Variants in KCNU1 observed in about 807,000 individuals in gnomAD.
The protein encoded by KCNU1 is potassium calcium-activated channel subfamily U member 1.
In KCNU1, 93 loss-of-function variants were observed where a neutral mutation model predicts 126.8. The ratio of observed to expected loss-of-function variants is 0.73; its 90% CI spans 0.62 to 0.87. The LOEUF is 0.87. Ranked by LOEUF, KCNU1 falls within the 40% of genes least tolerant of loss-of-function variation. The pLI is 0.00. For synonymous variants in KCNU1, 523 were observed against 494.2 expected (o/e 1.06, Z -0.77); for missense variants, 1,330 against 1,367.1 (o/e 0.97, Z 0.43).
chr8:36,925,958 T>C (rs955581465), intron 24 of KCNU1, among the ~76,000 whole-genome samples: 1 of 152,106 alleles, frequency 6.6e-6, no homozygotes, highest in African/African-American at 2.4e-5. Context: ...AAGGCAGACA[T>C]TGCTGATGAC....
intron 10 of KCNU1, among the ~76,000 whole-genome samples, chr8:36,818,754 C>T (rs1804014309): frequency 6.6e-6 from 1 of 152,140 alleles, no homozygotes; most frequent in Non-Finnish European, 1.5e-5. Context: ...GTTGAGCACT[C>T]TACTTTTGCA....
chr8:36,931,245 C>A, intron 25 of KCNU1, 100 bp downstream of exon 25: 3 of 635,860 alleles, frequency 4.7e-6, no homozygotes, highest in African/African-American at 1.9e-5. Flanking sequence ...TCCCATAGCA[C>A]AGAAATGATA....
intron 19 of KCNU1, among the ~76,000 whole-genome samples, chr8:36,899,279 T>G (rs908794330): frequency 4.5e-5 from 6 of 133,962 alleles, no homozygotes; most frequent in African/African-American, 1.6e-4. Context: ...ACTTCTAAGC[T>G]AGAAGATAGA....
At chr8:36,785,335 G>T (rs1448293952) in intron 1 of KCNU1, among the ~76,000 whole-genome samples, 1 of 152,188 alleles carries the variant, frequency 6.6e-6, no homozygotes, top group African/African-American at 2.4e-5. Context: ...ACTATACCCT[G>T]TGTAGTTTGT....
At chr8:36,833,472 C>A in intron 10 of KCNU1, 82 bp from the exon 11 acceptor site, 2 of 759,394 alleles carry the variant, frequency 2.6e-6, no homozygotes, top group Non-Finnish European at 2.3e-6. Context: ...CTACTAAATG[C>A]ACCAAATTAG....
chr8:36,853,516 A>G lies in KCNU1; in HGVS notation c.1891+7617A>G, dbSNP rs116430261. 5.8e-3 allele frequency among the ~76,000 whole-genome samples: 880 copies of G among 152,160 alleles called. 6 individuals carry two copies. The highest frequency in any genetic ancestry group is 0.019 in the African/African-American group (786 of 41,516). ...TTTCTTTTTTGTATGTTTTTGACCC[A>G]TTGTTAAGAAATGTGTTGTTTTTAC... On this transcript the variant is annotated intron_variant, in intron 18 of 26. Transcript: ENST00000399881.
chr8:36,876,969 A>C (rs931615217), intron 19 of KCNU1, among the ~76,000 whole-genome samples: 25 of 152,198 alleles, frequency 1.6e-4, no homozygotes, highest in African/African-American at 5.8e-4. Context: ...AGAAGTAGGA[A>C]GAGCAACTGG....
At chr8:36,787,764 A>C (rs1802763591) in intron 2 of KCNU1, among the ~76,000 whole-genome samples, 1 of 147,878 alleles carries the variant, frequency 6.8e-6, no homozygotes. Context: ...ATTGTATAGA[A>C]TATTATATAA....
At position 36,866,662 on chromosome 8, in the gene KCNU1, G is replaced by A. The variant is rs141303915; in HGVS notation, c.2009+2141G>A. The stretch of plus-strand genomic sequence containing the variant: ...TAGGCATTTATTGAGTAGCCTGTAC[G>A]TGCTAAGTAGGCACCATGCTTGATG... On this transcript the variant is annotated intron_variant, in intron 19 of 26. Transcript: ENST00000399881. 7.9e-4 allele frequency among the ~76,000 whole-genome samples: 120 copies of A among 152,136 alleles called. 1 individual carries two copies. Among genetic ancestry groups the A allele is most frequent in the African/African-American group, 2.6e-3 (110 of 41,520 alleles).
chr8:36,854,220 A>G (rs1454173725), intron 18 of KCNU1, among the ~76,000 whole-genome samples: 1 of 152,262 alleles, frequency 6.6e-6, no homozygotes, highest in Non-Finnish European at 1.5e-5. Context: ...TTATCCTACT[A>G]GGAGTTTATT....
At chr8:36,873,764 G>T (rs1806186744) in intron 19 of KCNU1, among the ~76,000 whole-genome samples, 1 of 152,140 alleles carries the variant, frequency 6.6e-6, no homozygotes. Context: ...ATAAAATATT[G>T]TTCATTGCTT....
At chr8:36,863,128 C>G (rs1271116730) in intron 18 of KCNU1, among the ~76,000 whole-genome samples, 1 of 152,154 alleles carries the variant, frequency 6.6e-6, no homozygotes, top group Admixed American at 6.6e-5. Flanking sequence ...CAAAGGATGT[C>G]CTTCTTCTTC....
chr8:36,881,041 A>G (rs1806455988), intron 19 of KCNU1, among the ~76,000 whole-genome samples: 1 of 152,128 alleles, frequency 6.6e-6, no homozygotes, highest in African/African-American at 2.4e-5. Context: ...AGCATCTCAC[A>G]GAGGAGGGAG....
At chr8:36,886,838 A>G (rs1761413218) in intron 19 of KCNU1, among the ~76,000 whole-genome samples, 1 of 151,748 alleles carries the variant, frequency 6.6e-6, no homozygotes, top group South Asian at 2.1e-4. Flanking sequence ...CCCTTATACC[A>G]CTCTGTATGC....
intron 24 of KCNU1, among the ~76,000 whole-genome samples, chr8:36,928,210 G>T (rs759936931): frequency 6.6e-6 from 1 of 152,092 alleles, no homozygotes; most frequent in Non-Finnish European, 1.5e-5. Context: ...CTGAAGAAAT[G>T]ATATATTCAA....
intron 2 of KCNU1, among the ~76,000 whole-genome samples, chr8:36,800,260 A>G (rs571667163): frequency 1.3e-5 from 2 of 152,204 alleles, no homozygotes; most frequent in South Asian, 4.2e-4. Flanking sequence ...TGCCCCTTTT[A>G]AACTGCATTG....
At chr8:36,853,832 G>A (rs189335880) in intron 18 of KCNU1, among the ~76,000 whole-genome samples, 1 of 152,096 alleles carries the variant, frequency 6.6e-6, no homozygotes, top group Non-Finnish European at 1.5e-5. Flanking sequence ...TTCTTCCTGT[G>A]GATTTGAATT....
At chr8:36,829,066 G>T (rs903801427) in intron 10 of KCNU1, among the ~76,000 whole-genome samples, 1 of 151,834 alleles carries the variant, frequency 6.6e-6, no homozygotes, top group South Asian at 2.1e-4. Context: ...TTCTCTTTCC[G>T]TGACATACTC....
chr8:36,832,943 T>A (rs933522746), intron 10 of KCNU1, among the ~76,000 whole-genome samples: 5 of 152,168 alleles, frequency 3.3e-5, no homozygotes, highest in African/African-American at 7.2e-5. Flanking sequence ...TCTATTTTTT[T>A]ATTCCTAAAT....
Sources: allele counts gnomAD v4.1 joint callset (sites outside exome capture counted in the v4.1 genomes callset), GRCh38; gene constraint gnomAD v4.1.1; transcripts MANE v1.5; gene names NCBI Gene and HGNC (gene_info 2026-07-23, HGNC 2026-07-21).